The following ERBB2 variants were observed in gnomAD, a reference collection of about 807,000 sequenced individuals.
ERBB2 encodes the protein receptor tyrosine-protein kinase erbB-2.
In ERBB2, 61 loss-of-function variants were observed where a neutral mutation model predicts 149.0. That is an observed-to-expected ratio of 0.41 (90% CI 0.33 to 0.51). The LOEUF is 0.51. ERBB2 is among the 20% of genes least tolerant of loss of function. The pLI is 0.25. For missense variants in ERBB2, 1,205 were observed against 1,655.1 expected, an observed-to-expected ratio of 0.73 and a Z score of 4.72; for synonymous variants, 633 against 678.8, an observed-to-expected ratio of 0.93 and a Z score of 1.05.
chr17:39,712,586 A>G, intron 9 of ERBB2, 138 bp downstream of exon 9: 1 of 1,040,982 alleles, frequency 9.6e-7, no homozygotes, highest in Non-Finnish European at 1.4e-6. Flanking sequence ...ATGGGAGACC[A>G]GAGGAGCAGG....
At chr17:39,712,538 A>G (rs1597868616) in intron 9 of ERBB2, 90 bp downstream of exon 9, 1 of 1,477,404 alleles carries the variant, frequency 6.8e-7, no homozygotes, top group Admixed American at 1.9e-5. Flanking sequence ...GGATGGCAGG[A>G]GACAGAAGTG....
intron 1 of ERBB2, among the ~76,000 whole-genome samples, chr17:39,700,766 C>T (rs894613776): frequency 1.3e-5 from 2 of 152,162 alleles, no homozygotes; most frequent in Admixed American, 1.3e-4. Context: ...CAGCCCCTCC[C>T]CGCTCCCCTT....
chr17:39,701,493 A>G (rs1049442255), intron 1 of ERBB2, among the ~76,000 whole-genome samples: 2 of 152,112 alleles, frequency 1.3e-5, no homozygotes, highest in Admixed American at 1.3e-4. Flanking sequence ...AGGGGAGACA[A>G]AATGAAAGTG....
rs572355521 is a variant in ERBB2 at position 39,712,201 on chromosome 17, G to A, written c.1022-121G>A. The A allele has an allele frequency of 6.6e-5, 101 of 1,521,158 alleles. 1 individual carries two copies. The highest frequency in any genetic ancestry group is 1.2e-4 in the Admixed American group (7 of 56,432). 94.2% of individuals were successfully genotyped at this position (1,521,158 alleles called of 1,614,324 possible). A position where few individuals can be genotyped will look rare whatever the true frequency, so the allele number is the denominator to read the frequency against. On this transcript the variant is annotated intron_variant, in intron 8 of 26. Coordinates refer to ENST00000269571, the MANE Select transcript of ERBB2 (RefSeq NM_004448.4). ...CCCCTGGCCCCCCTCAGCCCTACAA[G>A]TGTCCCTATATCCCCTGTCAGTGTG...
In ERBB2 at chr17:39,717,217, G is replaced by A. The variant is rs2059182876; in HGVS notation, c.1738-103G>A. 8 of 929,182 alleles carry A rather than the reference G, an allele frequency of 8.6e-6. No homozygotes were observed. The South Asian group carries it at 1.8e-4, about 21-fold the overall frequency. The allele number at this position is 929,182 out of a possible 1,614,324, so 57.6% of individuals were successfully genotyped here. ...CAGGAGCATGGCGAAAATTGCTGCT[G>A]GGTGGCCTTGGGAAGCACAAAGGGG... is the stretch of plus-strand genomic sequence containing the variant. On this transcript the variant is annotated intron_variant, in intron 14 of 26. Coordinates refer to ENST00000269571, the MANE Select transcript of ERBB2 (RefSeq NM_004448.4).
At chr17:39,690,883 G>A (rs146110680), upstream of ERBB2, among the ~76,000 whole-genome samples, 2,256 of 152,260 alleles carry the variant, frequency 0.015, 27 homozygotes, top group Non-Finnish European at 0.021. Context: ...GACAGGCACA[G>A]TGGCTCATGC....
intron 13 of ERBB2, 39 bp downstream of exon 13, chr17:39,716,472 T>A: frequency 6.2e-7 from 1 of 1,613,448 alleles, no homozygotes; most frequent in Non-Finnish European, 8.5e-7. Context: ...GAGGGGTGCA[T>A]GGGGCTCCTC....
At chr17:39,722,438 G>A (rs970666249) in intron 16 of ERBB2, among the ~76,000 whole-genome samples, 3 of 152,126 alleles carry the variant, frequency 2.0e-5, no homozygotes, top group Admixed American at 1.3e-4. Flanking sequence ...AGAGGTCAGG[G>A]CTGCAGTGGG....
At chr17:39,694,226 AATATATATATATATAT>A (rs1417710622), upstream of ERBB2, among the ~76,000 whole-genome samples, 68 of 18,516 alleles carry the variant, frequency 3.7e-3, no homozygotes, top group African/African-American at 9.2e-3. Flanking sequence ...AAAAAAAAAA[AATATATATATATATAT>A]ATATATATAT....
At chr17:39,717,144 C>G (rs2059178749) in intron 14 of ERBB2, 176 bp from the exon 15 acceptor site, 1 of 537,660 alleles carries the variant, frequency 1.9e-6, no homozygotes, top group East Asian at 3.1e-5. Flanking sequence ...GAGGAGGGCC[C>G]CGAGGGAGGG....
Position 39,726,597 on chromosome 17 carries a change from C to T in ERBB2, c.2908C>T (p.Arg970Trp), listed in dbSNP as rs766129765. The T allele has an allele frequency of 1.1e-5, 18 of 1,614,036 alleles. No individual in the cohort carries two copies. The highest frequency in any genetic ancestry group is 6.7e-5 in the Admixed American group (4 of 59,998). ...MIDSECRPRF[R>W]ELVSEFSRMA... ...TGACTCTGAATGTCGGCCAAGATTC[C>T]GGGAGTTGGTGTCTGAATTCTCCCG... Residue 970 changes from arginine (R) to tryptophan (W), a missense_variant, in exon 24 of 27, where the codon CGG becomes TGG. Arg to Trp is a moderately radical substitution (Grantham distance 101, BLOSUM62 -3). Around this residue, in one of 6 missense-constraint regions of ERBB2, gnomAD observed 63 missense variants for 74.2 expected, o/e 0.85. Transcript: ENST00000269571. The surrounding 1 kb of genome is among the most constrained non-coding windows in gnomAD (Gnocchi z 5.1).
At chr17:39,710,000 C>A in intron 5 of ERBB2, 86 bp from the exon 6 acceptor site, 1 of 1,494,484 alleles carries the variant, frequency 6.7e-7, no homozygotes, top group Non-Finnish European at 9.3e-7. Flanking sequence ...CTCCCCTGGG[C>A]CAGGTAGTCT....
At chr17:39,708,083 A>G (rs2058560407) in intron 2 of ERBB2, 2 of 462,696 alleles carry the variant, frequency 4.3e-6, no homozygotes, top group Non-Finnish European at 7.7e-6. Flanking sequence ...AGGGCAGGGC[A>G]CCTGTTCGGA....
intron 15 of ERBB2, among the ~76,000 whole-genome samples, chr17:39,718,012 A>G (rs2059240968): frequency 6.6e-6 from 1 of 152,130 alleles, no homozygotes; most frequent in African/African-American, 2.4e-5. Context: ...GGATTTCACC[A>G]TGTTGGCCAG....
At chr17:39,688,616 C>T (rs1053298947) in intron 1 of ERBB2, 2 of 152,614 alleles carry the variant, frequency 1.3e-5, no homozygotes, top group South Asian at 2.1e-4. Flanking sequence ...TGCTCCAGAC[C>T]CGCTTCAGAG....
chr17:39,719,763 T>C (rs764842715), intron 15 of ERBB2, 24 bp from the exon 16 acceptor site: 1 of 1,613,704 alleles, frequency 6.2e-7, no homozygotes, highest in East Asian at 2.2e-5. Context: ...CCCAGAATTG[T>C]TGATGAGACT....
Position 39,727,694 on chromosome 17 carries a change from G to A in ERBB2, c.3418G>A (p.Val1140Met), listed in dbSNP as rs775877222. 6.5e-7 allele frequency: 1 copy of A among 1,549,470 alleles called. No homozygotes were observed. Among genetic ancestry groups the A allele is most frequent in the Non-Finnish European group, 8.7e-7 (1 of 1,149,002 alleles). The change falls in exon 27 of 27, where the codon GTG becomes ATG. Residue 1140 changes from valine to methionine, a missense_variant. Transcript: ENST00000269571. The surrounding 1 kb of genome is among the most constrained non-coding windows in gnomAD (Gnocchi z 4.3). Reference protein sequence around the residue: ...PLTCSPQPEYVNQPDVRPQPP... With the variant: ...PLTCSPQPEYMNQPDVRPQPP... ...ACCTTCTCTTGACCTTTCAGAATAT[G>A]TGAACCAGCCAGATGTTCGGCCCCA...
chr17:39,707,366 G>C (rs11655866), intron 2 of ERBB2: 3 of 424,038 alleles, frequency 7.1e-6, no homozygotes, highest in Non-Finnish European at 1.3e-5. Flanking sequence ...GATGGGATGC[G>C]TCTGTGTTTC....
chr17:39,717,562 A>G lies in ERBB2; in HGVS notation c.1898+82A>G, dbSNP rs1021690061. On this transcript the variant is annotated intron_variant, in intron 15 of 26. Coordinates refer to ENST00000269571, the MANE Select transcript of ERBB2 (RefSeq NM_004448.4). Reference sequence around the variant, plus strand: ...GGGGCTCTTACTATAAAAGGGGACCAACTCTCCCTTTGTCATATCTTGTTT... The same window carrying G: ...GGGGCTCTTACTATAAAAGGGGACCGACTCTCCCTTTGTCATATCTTGTTT... 5.2e-6 allele frequency: 6 copies of G among 1,147,680 alleles called. No individual in the cohort carries two copies. In the African/African-American group the frequency reaches 9.3e-5, roughly 18 times the overall value. 71.1% of individuals were successfully genotyped at this position (1,147,680 alleles called of 1,614,324 possible). A position where few individuals can be genotyped will look rare whatever the true frequency, so the allele number is the denominator to read the frequency against.
Sources: gnomAD v4.1 joint callset for allele counts (sites outside exome capture counted in the v4.1 genomes callset) on GRCh38, gnomAD v4.1.1 for gene constraint, gnomAD v4.1.1 regional missense constraint, Gnocchi (gnomAD v3.1) non-coding constraint, MANE v1.5 for transcripts, NCBI Gene and HGNC (gene_info 2026-07-23, HGNC 2026-07-21) for gene names.